Variants in ASCC2 observed in about 807,000 individuals in gnomAD.
ASCC2 encodes the protein ASC-1 complex subunit P100.
ASCC2 carries 42 observed loss-of-function variants against 93.5 expected under a neutral mutation model. That is an observed-to-expected ratio of 0.45 (90% CI 0.35 to 0.58). ASCC2 has a LOEUF of 0.58. Among genes scored for constraint, ASCC2 ranks in the 20% least tolerant of loss-of-function variants. The probability of loss-of-function intolerance (pLI) is 0.00; values close to 1 mark genes in which losing one functional copy is unlikely to be tolerated. For missense variants in ASCC2, 859 were observed against 977.6 expected (o/e 0.88, Z 1.62); for synonymous variants, 364 against 384.2 (o/e 0.95, Z 0.62).
At position 29,813,530 on chromosome 22, in the gene ASCC2, T is replaced by C. The variant is rs2060508626; in HGVS notation, c.733A>G (p.Ile245Val). 6.2e-7 allele frequency: 1 copy of C among 1,610,798 alleles called. No individual in the cohort carries two copies. The highest frequency in any genetic ancestry group is 8.5e-7 in the Non-Finnish European group (1 of 1,177,008). The change falls in exon 8 of 20, where the codon ATT (isoleucine) becomes GTT (valine). Residue 245 changes from isoleucine (I) to valine (V), a missense_variant. Coordinates refer to ENST00000307790, the MANE Select transcript of ASCC2 (RefSeq NM_032204.5). ...CAGGTATCACAAAGGTAGAGAACAATGTCCTTTAATTCCTGTTGCCAAAAG... is the reference window on the plus strand; with the variant it reads ...CAGGTATCACAAAGGTAGAGAACAACGTCCTTTAATTCCTGTTGCCAAAAG... ...SDMPLLELKD[I>V]VLYLCDTCTT...
At chr22:29,816,344 C>T (rs1488205238) in intron 5 of ASCC2, among the ~76,000 whole-genome samples, 1 of 152,138 alleles carries the variant, frequency 6.6e-6, no homozygotes, top group Admixed American at 6.5e-5. Context: ...ACATAAAAGA[C>T]CCGCCCTGGT....
chr22:29,826,503 G>C (rs941293271), intron 2 of ASCC2, among the ~76,000 whole-genome samples: 2 of 151,906 alleles, frequency 1.3e-5, no homozygotes, highest in African/African-American at 4.8e-5. Context: ...GTAGAGATGG[G>C]GTTTTGCCAT....
chr22:29,788,999 C>T lies in ASCC2; in HGVS notation c.*14G>A, dbSNP rs1011053985. 3 of 1,614,002 alleles carry T rather than the reference C, an allele frequency of 1.9e-6. No individual in the cohort carries two copies. Among genetic ancestry groups the T allele is most frequent in the East Asian group, 2.2e-5 (1 of 44,890 alleles). ...TCTGGTGCCGCTGCCTCCCCACTGG[C>T]CCTGCACCAGGTCTCAGGATGGGAT... On this transcript the variant is annotated 3_prime_UTR_variant, in exon 20 of 20. Coordinates refer to ENST00000307790, the MANE Select transcript of ASCC2 (RefSeq NM_032204.5).
chr22:29,800,136 C>T (rs903325653), intron 15 of ASCC2, among the ~76,000 whole-genome samples: 1 of 152,172 alleles, frequency 6.6e-6, no homozygotes, highest in Non-Finnish European at 1.5e-5. Flanking sequence ...TCATGGGACC[C>T]TTTGCTGTGC....
chr22:29,804,338 C>T (rs1002314208), intron 13 of ASCC2, among the ~76,000 whole-genome samples: 8 of 152,268 alleles, frequency 5.3e-5, no homozygotes, highest in Middle Eastern at 3.4e-3. Context: ...AGGAGAGCTC[C>T]GGGAAGGGCT....
chr22:29,832,783 T>C (rs1290097157), intron 1 of ASCC2, among the ~76,000 whole-genome samples: 1 of 151,766 alleles, frequency 6.6e-6, no homozygotes, highest in African/African-American at 2.4e-5. Flanking sequence ...AGTCTTACTC[T>C]GTTGTCCAGT....
At chr22:29,832,424 T>G (rs2063265329) in intron 1 of ASCC2, 82 bp from the exon 2 acceptor site, 7 of 1,107,168 alleles carry the variant, frequency 6.3e-6, no homozygotes, top group Non-Finnish European at 9.3e-6. Flanking sequence ...GATCCCAGAG[T>G]CAGAAGAGAA....
rs893698941 is a variant in ASCC2 at position 29,825,303 on chromosome 22, C to T, written c.241-46G>A. On this transcript the variant is annotated intron_variant, in intron 3 of 19. Coordinates refer to ENST00000307790, the MANE Select transcript of ASCC2 (RefSeq NM_032204.5). This position sits in a 1 kb window ranked among gnomAD's most constrained non-coding sequence, Gnocchi z 4.9. ...GAGCGAGGATTTATCCCTTAGGCCCCAGGGGCTTGTGGGTGGACTGTGCAG... is the reference window on the plus strand; with the variant it reads ...GAGCGAGGATTTATCCCTTAGGCCCTAGGGGCTTGTGGGTGGACTGTGCAG... The T allele has an allele frequency of 1.3e-6, 2 of 1,502,192 alleles. No homozygotes were observed. Among genetic ancestry groups the T allele is most frequent in the South Asian group, 2.7e-5 (2 of 73,510 alleles). The allele number at this position is 1,502,192 out of a possible 1,614,324, so 93.1% of individuals were successfully genotyped here.
intron 15 of ASCC2, 84 bp from the exon 16 acceptor site, chr22:29,793,760 C>A (rs2058074240): frequency 3.1e-6 from 4 of 1,271,128 alleles, no homozygotes; most frequent in Middle Eastern, 2.4e-4. Context: ...AGACCACAGG[C>A]TTAACTGCTC....
chr22:29,803,271 A>G (rs762889423), intron 13 of ASCC2, among the ~76,000 whole-genome samples: 1 of 151,386 alleles, frequency 6.6e-6, no homozygotes, highest in Admixed American at 6.6e-5. Context: ...AACAAAAAAC[A>G]AACAAACAAA....
intron 15 of ASCC2, among the ~76,000 whole-genome samples, chr22:29,797,370 C>A (rs577145815): frequency 6.6e-6 from 1 of 152,322 alleles, no homozygotes; most frequent in Admixed American, 6.5e-5. Context: ...TGCCTTTGAA[C>A]TTCTAAAGAG....
intron 1 of ASCC2, among the ~76,000 whole-genome samples, chr22:29,833,884 T>C (rs1042834434): frequency 2.6e-5 from 4 of 151,300 alleles, no homozygotes; most frequent in Non-Finnish European, 4.4e-5. Context: ...TTTTTCTTTT[T>C]TTTTTTTTTT....
intron 13 of ASCC2, among the ~76,000 whole-genome samples, 196 bp downstream of exon 13, chr22:29,804,441 AC>A (rs905425750): frequency 1.3e-5 from 2 of 152,154 alleles, no homozygotes; most frequent in African/African-American, 4.8e-5. Context: ...CTCCTCACAC[AC>A]AGTCCAGCAT....
At chr22:29,794,805 A>T (rs976800454) in intron 15 of ASCC2, among the ~76,000 whole-genome samples, 4 of 152,246 alleles carry the variant, frequency 2.6e-5, no homozygotes, top group Admixed American at 2.6e-4. Context: ...AGCTACAGAA[A>T]AATGCGTACA....
rs1039670154 is a variant in ASCC2, at chr22:29,806,999, GA to G, written c.909-96del. 3.7e-5 allele frequency: 33 copies of G among 901,510 alleles called. No homozygotes were observed. The African/African-American group carries it at 5.6e-4, about 15-fold the overall frequency. 55.8% of individuals were successfully genotyped at this position (901,510 alleles called of 1,614,324 possible). On this transcript the variant is annotated intron_variant, in intron 9 of 19. Transcript: ENST00000307790. The stretch of plus-strand genomic sequence containing the variant: ...TACACCTGAAACCCTAGCATCTTGG[GA>G]ATCTGAGGTGGGAGGATCACTTGAG...
Position 29,838,210 on chromosome 22 carries a change from G to A in ASCC2, c.-50C>T. ...GCTCCACCACCGGCTCTGTGCCGCC[G>A]CCGCCGCCGCCGCCGCCGACCACGG... is the stretch of plus-strand genomic sequence containing the variant. On this transcript the variant is annotated 5_prime_UTR_variant, in exon 1 of 20. Coordinates refer to ENST00000307790, the MANE Select transcript of ASCC2 (RefSeq NM_032204.5). 2.2e-6 allele frequency: 1 copy of A among 464,726 alleles called. No homozygotes were observed. The highest frequency in any genetic ancestry group is 1.5e-5 in the South Asian group (1 of 65,194). The allele number at this position is 464,726 out of a possible 1,614,324, so 28.8% of individuals were successfully genotyped here. A position where few individuals can be genotyped will look rare whatever the true frequency, so the allele number is the denominator to read the frequency against.
chr22:29,831,520 C>T (rs2063143323), intron 2 of ASCC2, among the ~76,000 whole-genome samples: 1 of 152,184 alleles, frequency 6.6e-6, no homozygotes, highest in Admixed American at 6.5e-5. Context: ...AATAAGAAGC[C>T]ATCTAGAAGG....
At chr22:29,818,286 A>T (rs985363415) in intron 5 of ASCC2, among the ~76,000 whole-genome samples, 1 of 152,012 alleles carries the variant, frequency 6.6e-6, no homozygotes, top group Non-Finnish European at 1.5e-5. Flanking sequence ...GGTTAAAAAG[A>T]GAGCTGCTGT....
chr22:29,792,396 C>T, intron 18 of ASCC2, 37 bp downstream of exon 18: 1 of 1,611,346 alleles, frequency 6.2e-7, no homozygotes. Flanking sequence ...CTCAGAACTG[C>T]ACTCTCCCCT....
Sources: allele counts gnomAD v4.1 joint callset (sites outside exome capture counted in the v4.1 genomes callset), GRCh38; gene constraint gnomAD v4.1.1; non-coding constraint Gnocchi (gnomAD v3.1); transcripts MANE v1.5; gene names NCBI Gene and HGNC (gene_info 2026-07-23, HGNC 2026-07-21).